EFEMP1: variants seen among roughly 807,000 people sequenced by gnomAD.
EFEMP1 encodes the protein EGF-containing fibulin-like extracellular matrix protein 1.
EFEMP1 carries 18 observed loss-of-function variants against 65.7 expected under a neutral mutation model. That is an observed-to-expected ratio of 0.27 (90% CI 0.19 to 0.41). The LOEUF (loss-of-function observed/expected upper bound fraction) is 0.41. Among genes scored for constraint, EFEMP1 ranks in the 10% least tolerant of loss-of-function variants. The probability of loss-of-function intolerance (pLI) is 1.00; values close to 1 mark genes in which losing one functional copy is unlikely to be tolerated. For synonymous variants in EFEMP1, 237 were observed against 219.7 expected, an observed-to-expected ratio of 1.08 and a Z score of -0.70; for missense variants, 469 against 624.8, an observed-to-expected ratio of 0.75 and a Z score of 2.66.
At position 55,877,703 on chromosome 2, in the gene EFEMP1, C is replaced by A; in HGVS notation, c.760+43G>T. 1 of 1,611,628 alleles carries A rather than the reference C, an allele frequency of 6.2e-7. No individual in the cohort carries two copies. Among genetic ancestry groups the A allele is most frequent in the South Asian group, 1.1e-5 (1 of 90,996 alleles). ...AATACTGCAACATGGCATGGGGTTT[C>A]CTTTTGTGAAGACAGAAATCAGCAA... On this transcript the variant is annotated intron_variant, in intron 7 of 11. Coordinates refer to ENST00000355426, the MANE Select transcript of EFEMP1 (RefSeq NM_001039348.3). The surrounding 1 kb of genome is among the most constrained non-coding windows in gnomAD (Gnocchi z 4.5).
intron 6 of EFEMP1, among the ~76,000 whole-genome samples, chr2:55,879,131 T>A (rs567773856): frequency 7.9e-5 from 12 of 152,300 alleles, no homozygotes; most frequent in Admixed American, 5.9e-4. Context: ...CATTGTGTTA[T>A]GTGTTTATTT....
At chr2:55,874,589 C>G (rs1254497700) in intron 9 of EFEMP1, among the ~76,000 whole-genome samples, 1 of 152,078 alleles carries the variant, frequency 6.6e-6, no homozygotes, top group Non-Finnish European at 1.5e-5. Flanking sequence ...GTATGTTTAA[C>G]TCACATATTG....
rs187308263 is a variant in EFEMP1, at chr2:55,916,088, A to G, written c.517+1577T>C. Among the ~76,000 whole-genome samples, 72 of 151,486 alleles carry G rather than the reference A, an allele frequency of 4.8e-4. 1 individual carries two copies. Among genetic ancestry groups the G allele is most frequent in the Admixed American group, 4.7e-3 (71 of 15,196 alleles). Reference sequence around the variant, plus strand: ...AAAATATGAAATAAATAAGAGTCAGAGCATGACAAGTTTCCTTCATTTTTT... The same window carrying G: ...AAAATATGAAATAAATAAGAGTCAGGGCATGACAAGTTTCCTTCATTTTTT... On this transcript the variant is annotated intron_variant, in intron 5 of 11. Coordinates refer to ENST00000355426, the MANE Select transcript of EFEMP1 (RefSeq NM_001039348.3).
intron 5 of EFEMP1, among the ~76,000 whole-genome samples, chr2:55,915,061 T>C (rs1296007169): frequency 1.3e-5 from 2 of 152,236 alleles, no homozygotes. Context: ...AGACAGATTA[T>C]CCTGTTGTTA....
chr2:55,888,110 A>C (rs775684885), intron 5 of EFEMP1, among the ~76,000 whole-genome samples: 3 of 152,202 alleles, frequency 2.0e-5, no homozygotes, highest in Non-Finnish European at 4.4e-5. Context: ...AAACCAGATG[A>C]ACCAATGGGT....
chr2:55,876,756 TTATA>T lies in EFEMP1; in HGVS notation c.761-18_761-15del, dbSNP rs3838530. ...ATTCATTTATATCTGAAAAAAAGTT[TTATA>T]TATATATATATGTATATGTATATAT... On this transcript the variant is annotated splice_polypyrimidine_tract_variant and intron_variant, in intron 7 of 11. Transcript: ENST00000355426. 7.5e-6 allele frequency: 11 copies of T among 1,470,416 alleles called. No individual in the cohort carries two copies. The highest frequency in any genetic ancestry group is 2.9e-5 in the African/African-American group (2 of 70,094). The allele number at this position is 1,470,416 out of a possible 1,614,324, so 91.1% of individuals were successfully genotyped here.
At chr2:55,872,596 A>C (rs1259801507) in intron 9 of EFEMP1, among the ~76,000 whole-genome samples, 1 of 152,108 alleles carries the variant, frequency 6.6e-6, no homozygotes, top group Non-Finnish European at 1.5e-5. Context: ...TGGCTCATTC[A>C]AGTTCATATA....
At chr2:55,888,531 G>C (rs919199779) in intron 5 of EFEMP1, among the ~76,000 whole-genome samples, 1 of 151,986 alleles carries the variant, frequency 6.6e-6, no homozygotes, top group South Asian at 2.1e-4. Flanking sequence ...TAGAGGCAGG[G>C]TTTCACTATG....
Position 55,917,843 on chromosome 2 carries a change from C to G in EFEMP1, c.339G>C (p.Leu113Phe), listed in dbSNP as rs200070678. ...AASSMATSGVLPGGGFVASAA... is the reference protein window; with the variant it reads ...AASSMATSGVFPGGGFVASAA... ...CACTGGCCACAAAACCACCCCCGGG[C>G]AACACTCCACTGGTTGCCATGCTGC... The change falls in exon 5 of 12, where the codon TTG (leucine) becomes TTC (phenylalanine). Residue 113 changes from leucine to phenylalanine, a missense_variant. Physicochemically the swap from Leu to Phe is conservative, Grantham distance 22 (BLOSUM62 0). Coordinates refer to ENST00000355426, the MANE Select transcript of EFEMP1 (RefSeq NM_001039348.3). The surrounding 1 kb of genome is among the most constrained non-coding windows in gnomAD (Gnocchi z 6.3). 39 of 1,614,134 alleles carry G rather than the reference C, an allele frequency of 2.4e-5. No homozygotes were observed. The highest frequency in any genetic ancestry group is 3.2e-5 in the Non-Finnish European group (38 of 1,180,054).
Position 55,866,804 on chromosome 2 carries a change from C to A in EFEMP1, c.*269G>T. 1 of 382,740 alleles carries A rather than the reference C, an allele frequency of 2.6e-6. No individual in the cohort carries two copies. Among genetic ancestry groups the A allele is most frequent in the South Asian group, 3.0e-5 (1 of 33,192 alleles). The allele number at this position is 382,740 out of a possible 1,614,324, so 23.7% of individuals were successfully genotyped here. On this transcript the variant is annotated 3_prime_UTR_variant, in exon 12 of 12. Transcript: ENST00000355426. ...GGTCCCACTTTTATAGGAAAGAATC[C>A]AAGTTTCACCAGATAGTGTATACTT... is the stretch of plus-strand genomic sequence containing the variant.
chr2:55,899,964 A>AT (rs147984398), intron 5 of EFEMP1, among the ~76,000 whole-genome samples: 2 of 151,576 alleles, frequency 1.3e-5, no homozygotes, highest in Admixed American at 6.6e-5. Flanking sequence ...TTTCAGTTTA[A>AT]TTTTTTTTTC....
chr2:55,904,931 A>G (rs948970423), intron 5 of EFEMP1, among the ~76,000 whole-genome samples: 2 of 147,842 alleles, frequency 1.4e-5, no homozygotes, highest in African/African-American at 5.0e-5. Context: ...TAACTGTGAC[A>G]GAGAAATTAT....
At chr2:55,876,818 T>C in intron 7 of EFEMP1, 76 bp from the exon 8 acceptor site, 1 of 914,350 alleles carries the variant, frequency 1.1e-6, no homozygotes, top group Non-Finnish European at 1.5e-6. Flanking sequence ...ACTTTAAACA[T>C]ATCCTTACTC....
chr2:55,919,024 G>A lies in EFEMP1; in HGVS notation c.82-757C>T, dbSNP rs543060066. Among the ~76,000 whole-genome samples, 1 of 152,182 alleles carries A rather than the reference G, an allele frequency of 6.6e-6. No individual in the cohort carries two copies. Among genetic ancestry groups the A allele is most frequent in the Non-Finnish European group, 1.5e-5 (1 of 68,040 alleles). The stretch of plus-strand genomic sequence containing the variant: ...CAGGAAGGAGTAATGGACTCTGCCC[G>A]GGGGCATGGGTGAGCATGGCAGGGC... On this transcript the variant is annotated intron_variant, in intron 3 of 11. Coordinates refer to ENST00000355426, the MANE Select transcript of EFEMP1 (RefSeq NM_001039348.3). The surrounding 1 kb of genome is among the most constrained non-coding windows in gnomAD (Gnocchi z 4.5).
chr2:55,921,816 CAT>C lies in EFEMP1; in HGVS notation c.81+542_81+543del, dbSNP rs1299590688. ...TTAGCCAATATGCATCCTGGTAACA[CAT>C]AAACTGTTGTCTGCCTTTATTTATT... is the stretch of plus-strand genomic sequence containing the variant. On this transcript the variant is annotated intron_variant, in intron 3 of 11. Coordinates refer to ENST00000355426, the MANE Select transcript of EFEMP1 (RefSeq NM_001039348.3). This position sits in a 1 kb window ranked among gnomAD's most constrained non-coding sequence, Gnocchi z 4.1. 6.1e-6 allele frequency: 1 copy of C among 164,158 alleles called. No homozygotes were observed. The highest frequency in any genetic ancestry group is 1.3e-5 in the Non-Finnish European group (1 of 74,198). The allele number at this position is 164,158 out of a possible 1,614,324, so 10.2% of individuals were successfully genotyped here.
intron 5 of EFEMP1, among the ~76,000 whole-genome samples, chr2:55,899,033 C>T (rs1016064339): frequency 6.6e-6 from 1 of 152,174 alleles, no homozygotes; most frequent in Non-Finnish European, 1.5e-5. Context: ...CCTAGGGTGT[C>T]CACCCACCAA....
In EFEMP1 at chr2:55,866,790, T is replaced by C. The variant is rs553246404; in HGVS notation, c.*283A>G. On this transcript the variant is annotated 3_prime_UTR_variant, in exon 12 of 12. Transcript: ENST00000355426. Reference sequence around the variant, plus strand: ...GATCATCATTGCTTGGTCCCACTTTTATAGGAAAGAATCCAAGTTTCACCA... The same window carrying C: ...GATCATCATTGCTTGGTCCCACTTTCATAGGAAAGAATCCAAGTTTCACCA... The C allele has an allele frequency of 2.5e-5, 9 of 365,124 alleles. No homozygotes were observed. Among genetic ancestry groups the C allele is most frequent in the South Asian group, 2.4e-4 (8 of 33,268 alleles). 22.6% of individuals were successfully genotyped at this position (365,124 alleles called of 1,614,324 possible).
In EFEMP1 at chr2:55,883,448, G is replaced by A. The variant is rs114100126; in HGVS notation, c.518-1714C>T. On this transcript the variant is annotated intron_variant, in intron 5 of 11. Transcript: ENST00000355426. The surrounding 1 kb of genome is among the most constrained non-coding windows in gnomAD (Gnocchi z 4.5). ...GGGTTTCTTCAGAGCTTTATGACTC[G>A]TTAATGCAGAAATGACAGCAGAGTA... is the stretch of plus-strand genomic sequence containing the variant. Among the ~76,000 whole-genome samples the A allele has an allele frequency of 5.0e-3, 754 of 152,240 alleles. 5 individuals are homozygous for A. Among genetic ancestry groups the A allele is most frequent in the African/African-American group, 0.017 (716 of 41,540 alleles).
intron 11 of EFEMP1, among the ~76,000 whole-genome samples, chr2:55,868,240 G>GAATT (rs1188133703): frequency 6.6e-6 from 1 of 152,166 alleles, no homozygotes; most frequent in African/African-American, 2.4e-5. Context: ...GGTGTTGATT[G>GAATT]AATTAATTTA....
Sources: gnomAD v4.1 joint callset for allele counts (sites outside exome capture counted in the v4.1 genomes callset) on GRCh38, gnomAD v4.1.1 for gene constraint, Gnocchi (gnomAD v3.1) non-coding constraint, MANE v1.5 for transcripts, NCBI Gene and HGNC (gene_info 2026-07-23, HGNC 2026-07-21) for gene names.